ADARB1: variants seen among roughly 807,000 people sequenced by gnomAD.
The protein encoded by ADARB1 is adenosine deaminase RNA specific B1.
A neutral mutation model predicts 52.4 loss-of-function variants in ADARB1; 10 were observed. The observed-to-expected ratio is 0.19, with a 90% CI of 0.12 to 0.32. The LOEUF (loss-of-function observed/expected upper bound fraction) is 0.32. Ranked by LOEUF, ADARB1 falls within the 10% of genes least tolerant of loss-of-function variation. ADARB1 has a pLI of 1.00. For missense variants in ADARB1, 643 were observed against 922.3 expected (o/e 0.70, Z 3.92); for synonymous variants, 349 against 371.1 (o/e 0.94, Z 0.68).
intron 1 of ADARB1, among the ~76,000 whole-genome samples, chr21:45,112,394 C>A (rs2087581144): frequency 6.6e-6 from 1 of 152,120 alleles, no homozygotes; most frequent in Non-Finnish European, 1.5e-5. Context: ...GACATGCACA[C>A]AAGGCCCTTG....
chr21:45,078,497 G>A (rs1319536251), intron 1 of ADARB1, among the ~76,000 whole-genome samples: 1 of 152,206 alleles, frequency 6.6e-6, no homozygotes, highest in Admixed American at 6.5e-5. Context: ...GTGAGAGAAG[G>A]TCAAATAGGT....
chr21:45,197,192 T>C (rs1336446368), intron 8 of ADARB1, among the ~76,000 whole-genome samples: 1 of 151,152 alleles, frequency 6.6e-6, no homozygotes, highest in Non-Finnish European at 1.5e-5. Flanking sequence ...AAAGAGAGTT[T>C]GACAGTTCCT....
chr21:45,084,384 G>C (rs2086260930), intron 1 of ADARB1, among the ~76,000 whole-genome samples: 1 of 152,246 alleles, frequency 6.6e-6, no homozygotes, highest in Admixed American at 6.5e-5. Flanking sequence ...CTCAGTAACT[G>C]TGGAAAGAGG....
chr21:45,106,031 A>G (rs1315828982), intron 1 of ADARB1, among the ~76,000 whole-genome samples: 2 of 152,222 alleles, frequency 1.3e-5, no homozygotes, highest in African/African-American at 2.4e-5. Context: ...TTTTGTAAGA[A>G]CAAGCTACCC....
In ADARB1 at chr21:45,200,994, G is replaced by C. The variant is rs1262616860; in HGVS notation, c.1566-3561G>C. 6.6e-6 allele frequency among the ~76,000 whole-genome samples: 1 copy of C among 152,222 alleles called. No individual in the cohort carries two copies. The highest frequency in any genetic ancestry group is 1.5e-5 in the Non-Finnish European group (1 of 68,038). On this transcript the variant is annotated intron_variant, in intron 8 of 10. Coordinates refer to ENST00000348831, the MANE Select transcript of ADARB1 (RefSeq NM_001112.4). This position sits in a 1 kb window ranked among gnomAD's most constrained non-coding sequence, Gnocchi z 5.0. ...AGGCCAGGCACAGATGCCTAGACCC[G>C]GGTGCACTGAGCCGAGGCCATGCTG...
chr21:45,135,973 G>C (rs193037823), intron 2 of ADARB1, among the ~76,000 whole-genome samples: 11 of 152,180 alleles, frequency 7.2e-5, no homozygotes. Flanking sequence ...TTTAGAGGCC[G>C]CCAGCAGCCA....
At chr21:45,180,581 A>G (rs1005423477) in intron 5 of ADARB1, 137 bp downstream of exon 5, 21 of 750,698 alleles carry the variant, frequency 2.8e-5, no homozygotes, top group Non-Finnish European at 4.8e-5. Flanking sequence ...TGTCTGCCAT[A>G]TGCAAGTTTA....
chr21:45,209,931 G>C (rs1188454619), intron 9 of ADARB1, among the ~76,000 whole-genome samples: 1 of 152,144 alleles, frequency 6.6e-6, no homozygotes, highest in East Asian at 1.9e-4. Flanking sequence ...CCTCTCATCT[G>C]ATGTGCTTTT....
intron 4 of ADARB1, among the ~76,000 whole-genome samples, chr21:45,178,124 C>T (rs945976048): frequency 2.0e-5 from 3 of 152,166 alleles, no homozygotes; most frequent in Admixed American, 6.5e-5. Flanking sequence ...CATCAAATGC[C>T]GTGGATCCCA....
intron 1 of ADARB1, among the ~76,000 whole-genome samples, chr21:45,094,122 T>A (rs2086663200): frequency 6.6e-6 from 1 of 152,228 alleles, no homozygotes; most frequent in Non-Finnish European, 1.5e-5. Context: ...GATGACTTTG[T>A]GTTTAAAAAG....
chr21:45,135,916 C>T (rs1363099826), intron 2 of ADARB1, among the ~76,000 whole-genome samples: 5 of 152,086 alleles, frequency 3.3e-5, no homozygotes, highest in African/African-American at 1.2e-4. Context: ...TGAGTGCTGT[C>T]CTGAAAATCT....
intron 8 of ADARB1, among the ~76,000 whole-genome samples, chr21:45,203,201 T>C (rs2092597360): frequency 6.6e-6 from 1 of 151,892 alleles, no homozygotes; most frequent in Non-Finnish European, 1.5e-5. Flanking sequence ...GCCCCTGCCC[T>C]GCCCCTCTGC....
Position 45,175,825 on chromosome 21 carries a change from T to G in ADARB1, c.124T>G (p.Ser42Ala). ...TPGPGEGSQL[S>A]NGGGGGPGRK... ...TGGGCCTGGCGAGGGCTCTCAGCTCTCCAATGGGGGTGGTGGTGGCCCCGG... is the reference window on the plus strand; with the variant it reads ...TGGGCCTGGCGAGGGCTCTCAGCTCGCCAATGGGGGTGGTGGTGGCCCCGG... Residue 42 changes from serine (S) to alanine (A), a missense_variant, in exon 4 of 11, where the codon TCC becomes GCC. By Grantham distance (99) the Ser-to-Ala change is moderately conservative. This residue lies in a region of ADARB1 where 380 missense variants were observed against 446.5 expected (regional missense o/e 0.85). Transcript: ENST00000348831. The G allele has an allele frequency of 6.2e-7, 1 of 1,614,120 alleles. No individual in the cohort carries two copies. The highest frequency in any genetic ancestry group is 2.2e-5 in the East Asian group (1 of 44,884).
intron 1 of ADARB1, among the ~76,000 whole-genome samples, chr21:45,110,113 C>T (rs904718076): frequency 2.0e-5 from 3 of 152,152 alleles, no homozygotes; most frequent in African/African-American, 7.2e-5. Flanking sequence ...AGTCAGTTTA[C>T]TTTGTATTTA....
intron 1 of ADARB1, among the ~76,000 whole-genome samples, chr21:45,081,435 T>C (rs1459689422): frequency 1.3e-5 from 2 of 152,244 alleles, no homozygotes; most frequent in African/African-American, 2.4e-5. Context: ...TACTTTGTTA[T>C]AAAATAGGCT....
Position 45,200,212 on chromosome 21 carries a change from A to G in ADARB1, c.1566-4343A>G, listed in dbSNP as rs944164413. Reference sequence around the variant, plus strand: ...AGTGACAGGCAGAGGGCCCAGGGCCATGGTAGGTTGGGGGTGGGGTGGGAG... The same window carrying G: ...AGTGACAGGCAGAGGGCCCAGGGCCGTGGTAGGTTGGGGGTGGGGTGGGAG... On this transcript the variant is annotated intron_variant, in intron 8 of 10. Transcript: ENST00000348831. The surrounding 1 kb of genome is among the most constrained non-coding windows in gnomAD (Gnocchi z 5.0). Among the ~76,000 whole-genome samples, 3 of 152,064 alleles carry G rather than the reference A, an allele frequency of 2.0e-5. No individual in the cohort carries two copies. Among genetic ancestry groups the G allele is most frequent in the Admixed American group, 6.5e-5 (1 of 15,274 alleles).
intron 9 of ADARB1, among the ~76,000 whole-genome samples, chr21:45,211,277 G>T (rs962965024): frequency 3.9e-5 from 6 of 152,218 alleles, no homozygotes; most frequent in African/African-American, 1.4e-4. Context: ...AGCTTAAATG[G>T]CAGGTTGGTT....
intron 1 of ADARB1, among the ~76,000 whole-genome samples, chr21:45,112,597 G>C (rs2087593393): frequency 6.6e-6 from 1 of 152,126 alleles, no homozygotes; most frequent in South Asian, 2.1e-4. Flanking sequence ...GGATGGTCCT[G>C]AGTCACCCAC....
intron 1 of ADARB1, among the ~76,000 whole-genome samples, chr21:45,083,915 G>T (rs1025109783): frequency 6.6e-6 from 1 of 152,168 alleles, no homozygotes; most frequent in African/African-American, 2.4e-5. Flanking sequence ...TGCCCAGGCT[G>T]GTCTCGAGCT....
Sources: allele counts gnomAD v4.1 joint callset (sites outside exome capture counted in the v4.1 genomes callset), GRCh38; gene constraint gnomAD v4.1.1; regional missense constraint gnomAD v4.1.1; non-coding constraint Gnocchi (gnomAD v3.1); transcripts MANE v1.5; gene names NCBI Gene and HGNC (gene_info 2026-07-23, HGNC 2026-07-21).